Variants in ADAMDEC1 observed in about 807,000 individuals in gnomAD.
ADAMDEC1 encodes the protein ADAM like decysin 1.
Under a neutral mutation model 60.4 loss-of-function variants are expected in ADAMDEC1, and 62 were observed. The observed-to-expected ratio is 1.03, with a 90% CI of 0.84 to 1.27. The LOEUF is 1.27. Among genes scored for constraint, ADAMDEC1 ranks in the 50% most tolerant of loss-of-function variants. ADAMDEC1 has a pLI of 0.00. For synonymous variants in ADAMDEC1, 210 were observed against 195.1 expected (o/e 1.08, Z -0.64); for missense variants, 595 against 565.0 (o/e 1.05, Z -0.54).
Position 24,399,073 on chromosome 8 carries a change from G to A in ADAMDEC1, c.929+33G>A, listed in dbSNP as rs117382597. On this transcript the variant is annotated intron_variant, in intron 9 of 13. Coordinates refer to ENST00000256412, the MANE Select transcript of ADAMDEC1 (RefSeq NM_014479.3). Reference sequence around the variant, plus strand: ...CATGCTGGCCAGGTGAATGTAGGCAGAATGGATAGCTATCCCCAGGGTTCC... The same window carrying A: ...CATGCTGGCCAGGTGAATGTAGGCAAAATGGATAGCTATCCCCAGGGTTCC... 5,393 of 1,592,032 alleles carry A rather than the reference G, an allele frequency of 3.4e-3. 19 individuals carry two copies. The highest frequency in any genetic ancestry group is 7.9e-3 in the South Asian group (690 of 87,854).
intron 1 of ADAMDEC1, among the ~76,000 whole-genome samples, chr8:24,391,698 C>T (rs1055863963): frequency 6.6e-6 from 1 of 152,138 alleles, no homozygotes; most frequent in East Asian, 1.9e-4. Context: ...TGAGAAAAAG[C>T]ATCATGGCTT....
chr8:24,394,993 G>A (rs1277493436), intron 4 of ADAMDEC1, among the ~76,000 whole-genome samples: 1 of 152,196 alleles, frequency 6.6e-6, no homozygotes, highest in Admixed American at 6.5e-5. Context: ...TTCATAACCT[G>A]AGGCAGGTCA....
At chr8:24,390,909 T>C (rs769015689) in intron 1 of ADAMDEC1, among the ~76,000 whole-genome samples, 5 of 152,116 alleles carry the variant, frequency 3.3e-5, no homozygotes, top group Admixed American at 1.3e-4. Flanking sequence ...AGAAGTGAGG[T>C]AGGAAAACAG....
chr8:24,405,217 T>C, intron 13 of ADAMDEC1, 75 bp from the exon 14 acceptor site: 1 of 1,339,642 alleles, frequency 7.5e-7, no homozygotes, highest in Non-Finnish European at 1.1e-6. Context: ...CTATACATTT[T>C]CATTATCATT....
At chr8:24,389,979 T>C (rs78139365) in intron 1 of ADAMDEC1, 4,059 of 311,660 alleles carry the variant, frequency 0.013, 157 homozygotes, top group African/African-American at 0.083. Context: ...ATCACCATAG[T>C]ACTTATCATC....
chr8:24,388,097 T>A (rs923260740), intron 1 of ADAMDEC1: 2 of 152,694 alleles, frequency 1.3e-5, no homozygotes, highest in Non-Finnish European at 2.9e-5. Flanking sequence ...CATAAGTAGA[T>A]GAGCCTGTTT....
intron 12 of ADAMDEC1, among the ~76,000 whole-genome samples, chr8:24,402,342 A>C (rs1028052238): frequency 6.6e-6 from 1 of 152,146 alleles, no homozygotes; most frequent in African/African-American, 2.4e-5. Context: ...TGTCACTTGC[A>C]ATCTTTCCAA....
At chr8:24,398,852 A>G in intron 8 of ADAMDEC1, 22 bp from the exon 9 acceptor site, 1 of 1,606,550 alleles carries the variant, frequency 6.2e-7, no homozygotes, top group African/African-American at 1.3e-5. Context: ...CATTTTTATG[A>G]AGATAAATGC....
rs1246022637 is a variant in ADAMDEC1 at position 24,392,164 on chromosome 8, C to A, written c.89-98C>A. On this transcript the variant is annotated intron_variant, in intron 1 of 13. Transcript: ENST00000256412. ...TCTCTACATAGGAATGTAGTCTTCA[C>A]TGCTCTTTCAGCAACCCAAGAAATG... The A allele has an allele frequency of 4.9e-6, 4 of 809,530 alleles. No homozygotes were observed. In the African/African-American group the frequency reaches 5.2e-5, roughly 11 times the overall value. 50.1% of individuals were successfully genotyped at this position (809,530 alleles called of 1,614,324 possible).
chr8:24,384,611 G>A lies in ADAMDEC1; in HGVS notation c.88+19G>A, dbSNP rs1438556730. The A allele has an allele frequency of 3.2e-6, 5 of 1,584,606 alleles. No individual in the cohort carries two copies. The highest frequency in any genetic ancestry group is 2.3e-5 in the East Asian group (1 of 43,868). Reference sequence around the variant, plus strand: ...ACTCAAGGTACGTACCATCACACCAGCATTTTACATAAAAGTCAAATTATT... The same window carrying A: ...ACTCAAGGTACGTACCATCACACCAACATTTTACATAAAAGTCAAATTATT... On this transcript the variant is annotated intron_variant, in intron 1 of 13. Coordinates refer to ENST00000256412, the MANE Select transcript of ADAMDEC1 (RefSeq NM_014479.3).
chr8:24,398,378 A>C, intron 7 of ADAMDEC1, 102 bp from the exon 8 acceptor site: 1 of 691,306 alleles, frequency 1.4e-6, no homozygotes, highest in Non-Finnish European at 2.5e-6. Context: ...TGTTAATTGT[A>C]GTGAAATTCA....
Position 24,400,317 on chromosome 8 carries a change from C to A in ADAMDEC1, c.1142+17C>A. On this transcript the variant is annotated intron_variant, in intron 11 of 13. Coordinates refer to ENST00000256412, the MANE Select transcript of ADAMDEC1 (RefSeq NM_014479.3). ...GTATCTGAGGTGAGACCTTGTCATC[C>A]TAAAAGGAGAGAGATATTTTCCAAA... The A allele has an allele frequency of 6.3e-7, 1 of 1,577,494 alleles. No homozygotes were observed. The highest frequency in any genetic ancestry group is 1.2e-5 in the South Asian group (1 of 83,286).
In ADAMDEC1 at chr8:24,398,970, T is replaced by G; in HGVS notation, c.859T>G (p.Phe287Val). 6.2e-7 allele frequency: 1 copy of G among 1,613,832 alleles called. No homozygotes were observed. The highest frequency in any genetic ancestry group is 8.5e-7 in the Non-Finnish European group (1 of 1,179,854). ...IKVVPSASTT[F>V]DNFLRWHSSN... The stretch of plus-strand genomic sequence containing the variant: ...GGTGGTGCCCAGCGCAAGCACCACG[T>G]TTGACAACTTCCTGAGATGGCACAG... Residue 287 changes from phenylalanine (F) to valine (V), a missense_variant, in exon 9 of 14, where the codon TTT (phenylalanine) becomes GTT (valine). Physicochemically the swap from Phe to Val is conservative, Grantham distance 50 (BLOSUM62 -1). Coordinates refer to ENST00000256412, the MANE Select transcript of ADAMDEC1 (RefSeq NM_014479.3).
intron 1 of ADAMDEC1, among the ~76,000 whole-genome samples, chr8:24,386,450 AACCAC>A (rs1032578233): frequency 2.0e-5 from 3 of 152,196 alleles, no homozygotes; most frequent in African/African-American, 7.2e-5. Flanking sequence ...ATGTGTATAA[AACCAC>A]GCCAGAAGTT....
At chr8:24,391,556 T>C (rs925348461) in intron 1 of ADAMDEC1, among the ~76,000 whole-genome samples, 44 of 151,892 alleles carry the variant, frequency 2.9e-4, no homozygotes, top group African/African-American at 1.1e-3. Flanking sequence ...CTATGCAATG[T>C]AATTTCAAGT....
chr8:24,390,660 C>T (rs971147111), intron 1 of ADAMDEC1, among the ~76,000 whole-genome samples: 2 of 152,084 alleles, frequency 1.3e-5, no homozygotes, highest in African/African-American at 4.8e-5. Context: ...GCAGAGGTTG[C>T]AGTGAGTCAA....
chr8:24,393,142 C>T, intron 2 of ADAMDEC1, 120 bp from the exon 3 acceptor site: 1 of 588,170 alleles, frequency 1.7e-6, no homozygotes, highest in Non-Finnish European at 2.8e-6. Context: ...TTTAAAAACA[C>T]AAAAGAATTG....
At chr8:24,397,003 A>G (rs923525738) in intron 5 of ADAMDEC1, among the ~76,000 whole-genome samples, 1 of 152,202 alleles carries the variant, frequency 6.6e-6, no homozygotes, top group Non-Finnish European at 1.5e-5. Flanking sequence ...ATGGAAAAAT[A>G]TTTACCACGG....
At chr8:24,404,128 A>C (rs751500045) in intron 13 of ADAMDEC1, 40 bp downstream of exon 13, 5 of 1,581,246 alleles carry the variant, frequency 3.2e-6, no homozygotes, top group South Asian at 1.1e-5. Flanking sequence ...ACGTTTTCTC[A>C]CGTTTATTTC....
Sources: allele counts gnomAD v4.1 joint callset (sites outside exome capture counted in the v4.1 genomes callset), GRCh38; gene constraint gnomAD v4.1.1; transcripts MANE v1.5; gene names NCBI Gene and HGNC (gene_info 2026-07-23, HGNC 2026-07-21).